The following SLC25A13 variants were observed in gnomAD, a reference collection of about 807,000 sequenced individuals.
SLC25A13 encodes the protein solute carrier family 25 member 13.
A neutral mutation model predicts 85.5 loss-of-function variants in SLC25A13; 70 were observed. The observed-to-expected ratio is 0.82, with a 90% confidence interval of 0.68 to 1.00. The LOEUF is 1.00. Ranked by LOEUF, SLC25A13 falls within the 50% of genes least tolerant of loss-of-function variation. SLC25A13 has a pLI of 0.00. For missense variants in SLC25A13, 765 were observed against 819.8 expected (o/e 0.93, Z 0.82); for synonymous variants, 259 against 288.7 (o/e 0.90, Z 1.04).
intron 1 of SLC25A13, among the ~76,000 whole-genome samples, chr7:96,301,415 G>C (rs1353334768): frequency 2.6e-5 from 4 of 152,104 alleles, no homozygotes; most frequent in Non-Finnish European, 5.9e-5. Context: ...GCATTTGTAA[G>C]AATGGATTCC....
At position 96,244,956 on chromosome 7, in the gene SLC25A13, G is replaced by GTATA. The variant is rs34956392; in HGVS notation, c.213-10043_213-10040dup. ...TATCACTGCCTCCATATTGGCAAAA[G>GTATA]TATATATATATATATATAGGCTCTC... On this transcript the variant is annotated intron_variant, in intron 3 of 17. Coordinates refer to ENST00000265631, the MANE Select transcript of SLC25A13 (RefSeq NM_014251.3). Among the ~76,000 whole-genome samples the GTATA allele has an allele frequency of 3.9e-3, 579 of 148,896 alleles. 6 individuals are homozygous for GTATA. Among genetic ancestry groups the GTATA allele is most frequent in the African/African-American group, 0.013 (524 of 40,686 alleles).
rs563326348 is a variant in SLC25A13 at position 96,157,099 on chromosome 7, G to A, written c.1312-10403C>T. ...TAAATTCACCTTTGCATCCAGGAGT[G>A]CTGAGAGCAACCAGAAAGGGCAATA... is the stretch of plus-strand genomic sequence containing the variant. On this transcript the variant is annotated intron_variant, in intron 13 of 17. Transcript: ENST00000265631. 2.6e-5 allele frequency among the ~76,000 whole-genome samples: 4 copies of A among 152,268 alleles called. No individual in the cohort carries two copies. In the South Asian group the frequency reaches 6.2e-4, roughly 24 times the overall value.
At chr7:96,223,161 C>T (rs6978247) in intron 4 of SLC25A13, among the ~76,000 whole-genome samples, 148,917 of 152,268 alleles carry the variant, frequency 0.98, 72,910 homozygotes, top group East Asian at 1. Flanking sequence ...GATACTTATC[C>T]AGGCAAAGAG....
chr7:96,169,112 G>A (rs993458639), intron 13 of SLC25A13, among the ~76,000 whole-genome samples: 4 of 152,148 alleles, frequency 2.6e-5, no homozygotes, highest in Admixed American at 6.5e-5. Context: ...AAGAATACCA[G>A]GAGCTAGGAC....
In SLC25A13 at chr7:96,170,116, A is replaced by T; in HGVS notation, c.1240T>A (p.Phe414Ile). Residue 414 changes from phenylalanine to isoleucine, a missense_variant, in exon 13 of 18, where the codon TTT (phenylalanine) becomes ATT (isoleucine). By Grantham distance (21) the Phe-to-Ile change is conservative (BLOSUM62 0). Transcript: ENST00000265631. ...TTGTGCATAAATTTATCCCTCACAAAATCGTTCACCTTGAAGAAAAATATT... is the reference window on the plus strand; with the variant it reads ...TTGTGCATAAATTTATCCCTCACAATATCGTTCACCTTGAAGAAAAATATT... ...EKAIKLTVNDFVRDKFMHKDG... is the reference protein window; with the variant it reads ...EKAIKLTVNDIVRDKFMHKDG... 6.2e-7 allele frequency: 1 copy of T among 1,614,172 alleles called. No homozygotes were observed. Among genetic ancestry groups the T allele is most frequent in the Non-Finnish European group, 8.5e-7 (1 of 1,179,994 alleles).
intron 13 of SLC25A13, among the ~76,000 whole-genome samples, chr7:96,162,416 G>A (rs541902109): frequency 8.6e-5 from 13 of 152,014 alleles, no homozygotes; most frequent in African/African-American, 2.9e-4. Context: ...GTACAAGAAA[G>A]GTTTGAAGAC....
At chr7:96,159,690 A>AT (rs949716753) in intron 13 of SLC25A13, among the ~76,000 whole-genome samples, 2 of 151,852 alleles carry the variant, frequency 1.3e-5, no homozygotes, top group East Asian at 1.9e-4. Flanking sequence ...GCAATATAGA[A>AT]TTTTTTTTTC....
chr7:96,184,425 G>A lies in SLC25A13; in HGVS notation c.1029C>T (p.Ala343=), dbSNP rs747945892. Residue 343 remains alanine (A), a synonymous_variant, in exon 11 of 18, where the codon GCC becomes GCT. Transcript: ENST00000265631. ...GLGSVAGAVG[A]TAVYPIDLVK... is the part of the protein sequence containing the mutation. ...CAAGATCGATAGGATACACAGCAGT[G>A]GCTCCAACAGCTAAAATTAAACAAT... The A allele has an allele frequency of 6.2e-7, 1 of 1,614,010 alleles. No individual in the cohort carries two copies. The highest frequency in any genetic ancestry group is 8.5e-7 in the Non-Finnish European group (1 of 1,179,948).
At chr7:96,128,953 T>TCTCTCTCC (rs1791878933) in intron 15 of SLC25A13, among the ~76,000 whole-genome samples, 1 of 146,590 alleles carries the variant, frequency 6.8e-6, no homozygotes, top group Non-Finnish European at 1.5e-5. Context: ...TCTCTCTCTC[T>TCTCTCTCC]CTCTCTCTCT....
chr7:96,164,394 G>A (rs1340630126), intron 13 of SLC25A13, among the ~76,000 whole-genome samples: 1 of 152,302 alleles, frequency 6.6e-6, no homozygotes, highest in Admixed American at 6.5e-5. Flanking sequence ...ATGGGAAAGA[G>A]ACAGAAACCA....
chr7:96,252,015 C>T (rs1378325828), intron 3 of SLC25A13, among the ~76,000 whole-genome samples: 2 of 152,146 alleles, frequency 1.3e-5, no homozygotes, highest in African/African-American at 2.4e-5. Context: ...CAGTTGGAAA[C>T]GTCTTTATAT....
intron 2 of SLC25A13, among the ~76,000 whole-genome samples, chr7:96,279,522 C>G (rs1233945246): frequency 6.6e-6 from 1 of 152,106 alleles, no homozygotes; most frequent in Admixed American, 6.5e-5. Flanking sequence ...CAGGGGAACT[C>G]CCATTTATAA....
At chr7:96,182,586 G>C (rs557259693) in intron 11 of SLC25A13, among the ~76,000 whole-genome samples, 1 of 152,282 alleles carries the variant, frequency 6.6e-6, no homozygotes, top group African/African-American at 2.4e-5. Flanking sequence ...ACAGATAAAA[G>C]AACTGAAACG....
chr7:96,163,050 C>G (rs1793576292), intron 13 of SLC25A13, among the ~76,000 whole-genome samples: 1 of 152,136 alleles, frequency 6.6e-6, no homozygotes, highest in African/African-American at 2.4e-5. Context: ...ATGTTCCCAG[C>G]CCACAACACA....
At chr7:96,251,530 T>A (rs1339961660) in intron 3 of SLC25A13, among the ~76,000 whole-genome samples, 3 of 152,188 alleles carry the variant, frequency 2.0e-5, no homozygotes, top group African/African-American at 7.2e-5. Flanking sequence ...TCCATAATGC[T>A]GAGCAGAATT....
At chr7:96,171,769 T>C (rs1794014037) in intron 11 of SLC25A13, among the ~76,000 whole-genome samples, 2 of 152,166 alleles carry the variant, frequency 1.3e-5, no homozygotes, top group Non-Finnish European at 2.9e-5. Context: ...TCAACAGTAT[T>C]AGTGATATAG....
chr7:96,121,632 A>T, intron 17 of SLC25A13, 23 bp downstream of exon 17: 1 of 1,610,948 alleles, frequency 6.2e-7, no homozygotes, highest in Non-Finnish European at 8.5e-7. Flanking sequence ...AAAATTTAGC[A>T]GCAGATTTAG....
chr7:96,135,858 GTTTTTTT>G lies in SLC25A13; in HGVS notation c.1453-3984_1453-3978del, dbSNP rs57884645. Among the ~76,000 whole-genome samples, 895 of 132,970 alleles carry G rather than the reference GTTTTTTT, an allele frequency of 6.7e-3. 4 individuals are homozygous for G. The highest frequency in any genetic ancestry group is 0.024 in the African/African-American group (856 of 36,042). The allele number at this position is 132,970 out of a possible 152,430, so 87.2% of individuals were successfully genotyped here. On this transcript the variant is annotated intron_variant, in intron 14 of 17. Transcript: ENST00000265631. The stretch of plus-strand genomic sequence containing the variant: ...AAAATCCCCACATTTTCCTGCTTTG[GTTTTTTT>G]TTTTTTTTTTTTTAAACTGGTTTTC...
At chr7:96,290,844 C>A (rs1303146232) in intron 2 of SLC25A13, among the ~76,000 whole-genome samples, 1 of 151,990 alleles carries the variant, frequency 6.6e-6, no homozygotes, top group East Asian at 1.9e-4. Context: ...ACTTTAACAC[C>A]CCACTGTCAA....
Sources: allele counts gnomAD v4.1 joint callset (sites outside exome capture counted in the v4.1 genomes callset), GRCh38; gene constraint gnomAD v4.1.1; transcripts MANE v1.5; gene names NCBI Gene and HGNC (gene_info 2026-07-23, HGNC 2026-07-21).